Variants in PVT1 observed in about 807,000 individuals in gnomAD.
PVT1 encodes the protein Pvt1 oncogene, also known as CXCR4/PVT1 fusion.
intron 3 of PVT1, among the ~76,000 whole-genome samples, chr8:127,900,271 G>A (rs1220775619): frequency 6.6e-6 from 1 of 151,796 alleles, no homozygotes; most frequent in Admixed American, 6.6e-5. Flanking sequence ...TTGATCTTCT[G>A]ACCTCATGAT....
chr8:127,809,906 A>G (rs932834639), intron 2 of PVT1, among the ~76,000 whole-genome samples: 1 of 152,244 alleles, frequency 6.6e-6, no homozygotes, highest in Non-Finnish European at 1.5e-5. Flanking sequence ...TCCATGTGGT[A>G]CATTGCTTTT....
At chr8:127,937,625 T>C (rs1290306135) in intron 3 of PVT1, among the ~76,000 whole-genome samples, 2 of 144,036 alleles carry the variant, frequency 1.4e-5, no homozygotes, top group Non-Finnish European at 3.0e-5. Context: ...GTGGCCTCTC[T>C]AAATAGGTAG....
intron 1 of PVT1, chr8:127,794,773 T>G (rs2130179998): frequency 6.5e-6 from 1 of 153,640 alleles, no homozygotes; most frequent in Non-Finnish European, 1.5e-5. Context: ...CTGGAAACTC[T>G]CGAGACTTGG....
intron 4 of PVT1, among the ~76,000 whole-genome samples, chr8:128,065,614 AG>A (rs1371421260): frequency 6.6e-6 from 1 of 152,162 alleles, no homozygotes; most frequent in Non-Finnish European, 1.5e-5. Context: ...GGGGGATCTC[AG>A]GGTTGAAATC....
At chr8:128,015,152 C>G (rs568971959) in intron 4 of PVT1, among the ~76,000 whole-genome samples, 2 of 151,732 alleles carry the variant, frequency 1.3e-5, no homozygotes, top group Admixed American at 6.6e-5. Context: ...TACAGTGGTG[C>G]GATCTCAGCT....
intron 2 of PVT1, among the ~76,000 whole-genome samples, chr8:127,815,380 C>A (rs1248139856): frequency 6.6e-6 from 1 of 152,178 alleles, no homozygotes; most frequent in African/African-American, 2.4e-5. Context: ...TGTTTTGTTG[C>A]CTGTGCTTTT....
At chr8:127,853,325 G>C (rs1815125386) in intron 2 of PVT1, among the ~76,000 whole-genome samples, 2 of 152,184 alleles carry the variant, frequency 1.3e-5, no homozygotes, top group South Asian at 4.1e-4. Context: ...AGATTCTGCT[G>C]GTGGAGGTTC....
intron 5 of PVT1, among the ~76,000 whole-genome samples, chr8:128,096,012 G>A (rs1273176352): frequency 6.6e-6 from 1 of 152,128 alleles, no homozygotes; most frequent in Non-Finnish European, 1.5e-5. Context: ...TATTCATTAG[G>A]GATTAACCAT....
At chr8:127,799,397 A>G (rs1461338341) in intron 2 of PVT1, among the ~76,000 whole-genome samples, 1 of 152,230 alleles carries the variant, frequency 6.6e-6, no homozygotes, top group Non-Finnish European at 1.5e-5. Context: ...TGTCTCTGTA[A>G]AAAATAATAA....
intron 3 of PVT1, among the ~76,000 whole-genome samples, chr8:127,908,789 C>A (rs953716382): frequency 5.3e-5 from 8 of 152,142 alleles, no homozygotes; most frequent in African/African-American, 1.4e-4. Flanking sequence ...GGAAGGGCTG[C>A]GGAAGGTGTC....
Position 128,005,319 on chromosome 8 carries a change from A to ATTC in PVT1, n.912+16038_912+16040dup, listed in dbSNP as rs752562864. ...TGTATTTTATGTGTGGCCCAAGACA[A>ATTC]TTCTTCTTCTTCCAATGTGGCCCAG... On this transcript the variant is annotated intron_variant and non_coding_transcript_variant, in intron 4 of 10. Coordinates refer to ENST00000651587, the Ensembl canonical transcript of PVT1. Among the ~76,000 whole-genome samples the ATTC allele has an allele frequency of 2.6e-5, 4 of 152,216 alleles. No individual in the cohort carries two copies. The South Asian group carries it at 8.3e-4, about 32-fold the overall frequency.
rs541262909 is a variant in PVT1 at position 127,877,117 on chromosome 8, C to T, written n.373-13472C>T. The stretch of plus-strand genomic sequence containing the variant: ...GGCGTGGTGGAAAGTTTCCTCTCGC[C>T]GAGGAGGACAACTCCCCAGCGCCTG... On this transcript the variant is annotated intron_variant and non_coding_transcript_variant, in intron 2 of 10. Transcript: ENST00000651587. 6.6e-4 allele frequency among the ~76,000 whole-genome samples: 101 copies of T among 152,240 alleles called. 1 individual carries two copies. The highest frequency in any genetic ancestry group is 2.3e-3 in the African/African-American group (95 of 41,554).
intron 3 of PVT1, among the ~76,000 whole-genome samples, chr8:127,917,300 T>C (rs970306840): frequency 6.6e-6 from 1 of 152,182 alleles, no homozygotes; most frequent in Non-Finnish European, 1.5e-5. Context: ...AAACAGCCCC[T>C]GGTCTTAAGG....
At chr8:127,854,845 C>G (rs1261454995) in intron 2 of PVT1, 1 of 257,154 alleles carries the variant, frequency 3.9e-6, no homozygotes, top group East Asian at 6.8e-5. Flanking sequence ...CATGAAGAAG[C>G]AGGAGCAGGA....
intron 2 of PVT1, chr8:127,890,564 G>GC (rs1180895926): frequency 6.6e-6 from 1 of 152,222 alleles, no homozygotes; most frequent in Non-Finnish European, 1.5e-5. Context: ...TGACAAGACT[G>GC]TTTTTTTCTT....
rs185888644 is a variant in PVT1 at position 127,952,846 on chromosome 8, C to G, written n.783-36316C>G. Among the ~76,000 whole-genome samples, 744 of 151,682 alleles carry G rather than the reference C, an allele frequency of 4.9e-3. 5 individuals carry two copies. The highest frequency in any genetic ancestry group is 0.017 in the African/African-American group (707 of 41,328). ...AAGGCGCGATCTCAGCTCACTGCAA[C>G]CTCCACCTCCCAGGTTCACGCCATT... On this transcript the variant is annotated intron_variant and non_coding_transcript_variant, in intron 3 of 10. Transcript: ENST00000651587.
At chr8:127,833,277 C>T (rs1261047018) in intron 2 of PVT1, among the ~76,000 whole-genome samples, 1 of 152,124 alleles carries the variant, frequency 6.6e-6, no homozygotes, top group African/African-American at 2.4e-5. Context: ...CTGCCCTGCC[C>T]TGGGGATTGT....
intron 2 of PVT1, among the ~76,000 whole-genome samples, chr8:127,835,523 T>C (rs566649432): frequency 2.3e-4 from 35 of 152,114 alleles, no homozygotes; most frequent in African/African-American, 6.7e-4. Context: ...AGAAGATGGG[T>C]TGATGGGTGC....
chr8:127,988,883 G>A (rs1345954076), intron 3 of PVT1, among the ~76,000 whole-genome samples: 1 of 152,198 alleles, frequency 6.6e-6, no homozygotes, highest in Admixed American at 6.5e-5. Context: ...GAGTCAGAAA[G>A]ACCCAACCAT....
Sources: allele counts gnomAD v4.1 joint callset (sites outside exome capture counted in the v4.1 genomes callset), GRCh38; gene constraint gnomAD v4.1.1; transcripts MANE v1.5; gene names NCBI Gene and HGNC (gene_info 2026-07-23, HGNC 2026-07-21).